Variants in CHD9 observed in about 807,000 individuals in gnomAD.
CHD9 encodes ATP-dependent chromatin remodeler CHD9.
Under a neutral mutation model 316.1 loss-of-function variants are expected in CHD9, and 77 were observed. The observed-to-expected ratio is 0.24, with a 90% CI of 0.20 to 0.29. The LOEUF is 0.29. Ranked by LOEUF, CHD9 falls within the 10% of genes least tolerant of loss-of-function variation. The pLI is 1.00. For missense variants in CHD9, 2,763 were observed against 3,438.1 expected, an observed-to-expected ratio of 0.80 and a Z score of 4.91; for synonymous variants, 1,129 against 1,158.3, an observed-to-expected ratio of 0.97 and a Z score of 0.51.
intron 20 of CHD9, among the ~76,000 whole-genome samples, chr16:53,265,028 A>G (rs1172235164): frequency 6.6e-6 from 1 of 152,210 alleles, no homozygotes; most frequent in Non-Finnish European, 1.5e-5. Flanking sequence ...TTTAAAGTTT[A>G]TACTTTTGTA....
intron 1 of CHD9, among the ~76,000 whole-genome samples, chr16:53,110,097 C>T (rs1259208625): frequency 6.6e-6 from 1 of 152,158 alleles, no homozygotes; most frequent in East Asian, 1.9e-4. Context: ...AGTTTGTCAT[C>T]CCCAGCAGTC....
intron 18 of CHD9, among the ~76,000 whole-genome samples, chr16:53,255,342 C>A (rs1241400931): frequency 5.9e-5 from 9 of 151,996 alleles, no homozygotes; most frequent in Non-Finnish European, 1.0e-4. Flanking sequence ...AAGAAAAGAA[C>A]CTTGAAAGAT....
intron 2 of CHD9, chr16:53,208,072 G>C: frequency 1.0e-6 from 1 of 1,000,644 alleles, no homozygotes. Context: ...TACAGCTATT[G>C]AGGAAACTCA....
chr16:53,132,165 T>C (rs1271132190), intron 1 of CHD9, among the ~76,000 whole-genome samples: 4 of 152,060 alleles, frequency 2.6e-5, no homozygotes, highest in African/African-American at 9.7e-5. Flanking sequence ...CAGAACAAAG[T>C]AGATGAGAAT....
chr16:53,181,202 C>G (rs1371424270), intron 2 of CHD9, among the ~76,000 whole-genome samples: 17 of 151,842 alleles, frequency 1.1e-4, no homozygotes, highest in African/African-American at 4.1e-4. Context: ...GTAGACATGG[C>G]GTTTCTCCAT....
At chr16:53,316,152 G>A (rs1004645656) in intron 36 of CHD9, among the ~76,000 whole-genome samples, 3 of 152,008 alleles carry the variant, frequency 2.0e-5, no homozygotes, top group Non-Finnish European at 2.9e-5. Context: ...TGGCTCAAGC[G>A]ATCCTCCTGC....
chr16:53,310,184 T>A (rs2056341965), intron 34 of CHD9, among the ~76,000 whole-genome samples: 2 of 152,242 alleles, frequency 1.3e-5, no homozygotes, highest in South Asian at 4.1e-4. Flanking sequence ...TTAGTAGAAC[T>A]TCAGACATGT....
intron 8 of CHD9, among the ~76,000 whole-genome samples, chr16:53,230,333 A>T (rs1390170524): frequency 6.6e-6 from 1 of 152,126 alleles, no homozygotes; most frequent in Non-Finnish European, 1.5e-5. Flanking sequence ...CACCTCAAAA[A>T]TGTGGGCTGG....
At chr16:53,238,621 G>A (rs2048826725) in intron 12 of CHD9, 35 bp downstream of exon 12, 2 of 1,600,114 alleles carry the variant, frequency 1.2e-6, no homozygotes, top group Non-Finnish European at 1.7e-6. Flanking sequence ...TTGTTTGAAA[G>A]GTCAGGGCTG....
chr16:53,235,708 A>G (rs781549569), intron 11 of CHD9, among the ~76,000 whole-genome samples: 1 of 152,170 alleles, frequency 6.6e-6, no homozygotes, highest in Non-Finnish European at 1.5e-5. Context: ...ATTATCAAAG[A>G]AGTAGGTTGT....
At chr16:53,162,904 C>G (rs563298527) in intron 2 of CHD9, among the ~76,000 whole-genome samples, 1 of 151,302 alleles carries the variant, frequency 6.6e-6, no homozygotes, top group Non-Finnish European at 1.5e-5. Flanking sequence ...CCTGCCTGAG[C>G]CTCCCCTGTA....
chr16:53,216,723 A>G (rs1174151678), intron 3 of CHD9, among the ~76,000 whole-genome samples: 1 of 152,192 alleles, frequency 6.6e-6, no homozygotes, highest in East Asian at 1.9e-4. Flanking sequence ...AGAGTTTTCT[A>G]TACTAATTTT....
intron 1 of CHD9, among the ~76,000 whole-genome samples, chr16:53,136,511 C>T (rs2039719343): frequency 1.3e-5 from 2 of 149,832 alleles, no homozygotes; most frequent in Admixed American, 6.6e-5. Flanking sequence ...ATCAAATAGT[C>T]ACTAAAATTT....
chr16:53,123,009 G>T (rs1197562390), intron 1 of CHD9, among the ~76,000 whole-genome samples: 1 of 150,660 alleles, frequency 6.6e-6, no homozygotes, highest in East Asian at 2.0e-4. Context: ...GAGCCACCGC[G>T]CCCGGCCCAC....
intron 1 of CHD9, chr16:53,121,440 A>G (rs2038732068): frequency 2.2e-6 from 1 of 456,092 alleles, no homozygotes; most frequent in Non-Finnish European, 4.4e-6. Flanking sequence ...TAGGACAAGC[A>G]GCTGTTTATA....
chr16:53,072,039 C>T (rs2034108059), intron 1 of CHD9, among the ~76,000 whole-genome samples: 1 of 152,206 alleles, frequency 6.6e-6, no homozygotes, highest in East Asian at 1.9e-4. Flanking sequence ...TGCATGCACA[C>T]CCACCTCTGT....
chr16:53,246,845 G>A (rs1173205457), intron 15 of CHD9, among the ~76,000 whole-genome samples: 1 of 151,998 alleles, frequency 6.6e-6, no homozygotes, highest in Non-Finnish European at 1.5e-5. Context: ...TTGTTTCCTT[G>A]TTTTGATGGC....
chr16:53,224,597 C>T (rs1267863565), intron 4 of CHD9, among the ~76,000 whole-genome samples: 1 of 152,146 alleles, frequency 6.6e-6, no homozygotes, highest in African/African-American at 2.4e-5. Context: ...TGAGTTATCT[C>T]TAAGTACTAA....
At chr16:53,140,319 G>A (rs1437970714) in intron 1 of CHD9, among the ~76,000 whole-genome samples, 2 of 151,376 alleles carry the variant, frequency 1.3e-5, no homozygotes, top group African/African-American at 4.9e-5. Flanking sequence ...TTAGCCAGAT[G>A]TGGTGGCACG....
Sources: allele counts gnomAD v4.1 joint callset (sites outside exome capture counted in the v4.1 genomes callset), GRCh38; gene constraint gnomAD v4.1.1; transcripts MANE v1.5; gene names NCBI Gene and HGNC (gene_info 2026-07-23, HGNC 2026-07-21).